The following COL5A3 variants were observed in gnomAD, a reference collection of about 807,000 sequenced individuals.
COL5A3 encodes the protein collagen type V alpha 3 chain, also known as collagen alpha-3(V) chain.
COL5A3 carries 172 observed loss-of-function variants against 250.0 expected under a neutral mutation model. That is an observed-to-expected ratio of 0.69 (90% confidence interval 0.61 to 0.78). The LOEUF is 0.78. Ranked by LOEUF, COL5A3 falls within the 30% of genes least tolerant of loss-of-function variation. COL5A3 has a pLI of 0.00. For synonymous variants in COL5A3, 937 were observed against 900.4 expected, an observed-to-expected ratio of 1.04 and a Z score of -0.73; for missense variants, 2,340 against 2,334.4, an observed-to-expected ratio of 1.00 and a Z score of -0.05.
rs1389647066 is a variant in COL5A3 at position 9,998,285 on chromosome 19, T to C, written c.1111-136A>G. The C allele has an allele frequency of 1.0e-5, 9 of 882,116 alleles. No individual in the cohort carries two copies. In the East Asian group the frequency reaches 2.3e-4, roughly 22 times the overall value. 54.6% of individuals were successfully genotyped at this position (882,116 alleles called of 1,614,324 possible). On this transcript the variant is annotated intron_variant, in intron 8 of 66. Coordinates refer to ENST00000264828, the MANE Select transcript of COL5A3 (RefSeq NM_015719.4). ...AGTCCACCCTCAGAGCCCCTTCTCCTCTACTGTAACCAATATGCACTGAGA... is the reference window on the plus strand; with the variant it reads ...AGTCCACCCTCAGAGCCCCTTCTCCCCTACTGTAACCAATATGCACTGAGA...
At chr19:9,979,027 C>T (rs1029537279) in intron 39 of COL5A3, 47 bp from the exon 40 acceptor site, 1 of 1,492,134 alleles carries the variant, frequency 6.7e-7, no homozygotes, top group African/African-American at 1.4e-5. Context: ...GAGGGGATGT[C>T]TCCCTCCAAT....
At chr19:10,006,586 G>GCTAT (rs1464176222) in intron 1 of COL5A3, among the ~76,000 whole-genome samples, 1 of 152,100 alleles carries the variant, frequency 6.6e-6, no homozygotes, top group East Asian at 1.9e-4. Context: ...GCTCCCTAGG[G>GCTAT]CTATATCCCA....
chr19:9,967,468 A>AACAC (rs903323360), intron 61 of COL5A3, 68 bp from the exon 62 acceptor site: 6 of 998,056 alleles, frequency 6.0e-6, no homozygotes, highest in Non-Finnish European at 8.7e-6. Context: ...CATACACACA[A>AACAC]ACACACACAC....
Position 10,009,507 on chromosome 19 carries a change from T to G in COL5A3, c.88+791A>C, listed in dbSNP as rs1451415305. On this transcript the variant is annotated intron_variant, in intron 1 of 66. Coordinates refer to ENST00000264828, the MANE Select transcript of COL5A3 (RefSeq NM_015719.4). The surrounding 1 kb of genome is among the most constrained non-coding windows in gnomAD (Gnocchi z 4.4). ...CTGGGGTGGGGAGGGGGGGAGCAAC[T>G]TCCACTCCTGCCCCGCCCTGCGCCC... Among the ~76,000 whole-genome samples, 2 of 151,746 alleles carry G rather than the reference T, an allele frequency of 1.3e-5. No individual in the cohort carries two copies. The highest frequency in any genetic ancestry group is 2.9e-5 in the Non-Finnish European group (2 of 67,900).
rs770992868 is a variant in COL5A3, at chr19:9,993,448, G to C, written c.1696-15C>G. Reference sequence around the variant, plus strand: ...CCAAAGTCACCCTGGAGAGGGAACAGAGGGGAGTTCAGAGTGGAAGGGTGT... The same window carrying C: ...CCAAAGTCACCCTGGAGAGGGAACACAGGGGAGTTCAGAGTGGAAGGGTGT... On this transcript the variant is annotated splice_polypyrimidine_tract_variant and intron_variant, in intron 18 of 66. Transcript: ENST00000264828. 4 of 1,613,888 alleles carry C rather than the reference G, an allele frequency of 2.5e-6. No individual in the cohort carries two copies. In the South Asian group the frequency reaches 3.3e-5, roughly 13 times the overall value.
intron 61 of COL5A3, 137 bp downstream of exon 61, chr19:9,967,767 G>A: frequency 1.2e-6 from 1 of 809,788 alleles, no homozygotes; most frequent in Non-Finnish European, 1.9e-6. Context: ...ACAACCGTAG[G>A]TGTTGAATAA....
At position 9,982,095 on chromosome 19, in the gene COL5A3, G is replaced by A; in HGVS notation, c.2430C>T (p.Pro810=). ...TCCCTTTCTCTCCTATGGGTCCCAGGGGACCGGGAAATCCAATAGATCCCT... is the reference window on the plus strand; with the variant it reads ...TCCCTTTCTCTCCTATGGGTCCCAGAGGACCGGGAAATCCAATAGATCCCT... The part of the protein sequence containing the change: ...GPKGSIGFPG[P]LGPIGEKGKS... Residue 810 remains proline (P), a synonymous_variant, in exon 32 of 67, where the codon CCC becomes CCT. Transcript: ENST00000264828. The A allele has an allele frequency of 6.2e-7, 1 of 1,607,056 alleles. No individual in the cohort carries two copies. The highest frequency in any genetic ancestry group is 1.3e-5 in the African/African-American group (1 of 74,614).
chr19:9,998,049 T>C (rs369523111), intron 9 of COL5A3, 24 bp from the exon 10 acceptor site: 29 of 1,613,940 alleles, frequency 1.8e-5, no homozygotes, highest in African/African-American at 5.3e-5. Flanking sequence ...TGAGTGTCGG[T>C]GACCGCTGTC....
chr19:10,002,903 A>C (rs1023607681), intron 6 of COL5A3, among the ~76,000 whole-genome samples: 4 of 151,906 alleles, frequency 2.6e-5, no homozygotes, highest in African/African-American at 9.7e-5. Flanking sequence ...CCCCACTATG[A>C]CTTCCAGTCA....
chr19:9,978,533 C>T (rs2086955658), intron 41 of COL5A3, 41 bp downstream of exon 41: 3 of 1,403,706 alleles, frequency 2.1e-6, no homozygotes, highest in South Asian at 1.2e-5. Context: ...CCTTGAGTCC[C>T]CTCCACCCTG....
intron 31 of COL5A3, among the ~76,000 whole-genome samples, chr19:9,984,942 A>ATTTTTTTTTTTTTTTTTTTTTT (rs71188874): frequency 1.2e-5 from 1 of 83,006 alleles, no homozygotes; most frequent in African/African-American, 4.9e-5. Context: ...CATCTGGCTA[A>ATTTTTTTTTTTTTTTTTTTTTT]TTTTTTTTTT....
At position 10,006,167 on chromosome 19, in the gene COL5A3, A is replaced by G. The variant is rs2087440815; in HGVS notation, c.153T>C (p.Pro51=). Reference sequence around the variant, plus strand: ...CTGGAGTCCTCTGGGGACAGAAGCCAGGCCCCTCGGGGACCCCAGCCTGGC... The same window carrying G: ...CTGGAGTCCTCTGGGGACAGAAGCCGGGCCCCTCGGGGACCCCAGCCTGGC... ...QGGQAGVPEG[P]GFCPQRTPEG... is the part of the protein sequence containing the mutation. Residue 51 remains proline, a synonymous_variant, in exon 2 of 67, where the codon CCT becomes CCC. Coordinates refer to ENST00000264828, the MANE Select transcript of COL5A3 (RefSeq NM_015719.4). 6.2e-7 allele frequency: 1 copy of G among 1,610,322 alleles called. No homozygotes were observed. The highest frequency in any genetic ancestry group is 1.7e-5 in the Admixed American group (1 of 59,270).
chr19:9,986,494 C>T, intron 29 of COL5A3, 59 bp downstream of exon 29: 1 of 1,586,772 alleles, frequency 6.3e-7, no homozygotes, highest in South Asian at 1.1e-5. Flanking sequence ...AGCTCATCCC[C>T]TCCCTATCTT....
intron 56 of COL5A3, 27 bp downstream of exon 56, chr19:9,969,548 G>C (rs1475387933): frequency 1.2e-6 from 2 of 1,607,324 alleles, no homozygotes; most frequent in Non-Finnish European, 1.7e-6. Context: ...GATCCACCCT[G>C]TCCCACCCCT....
Position 9,993,404 on chromosome 19 carries a change from A to T in COL5A3, c.1725T>A (p.Gly575=), listed in dbSNP as rs1161252223. The part of the protein sequence containing the change: ...RGDFGHVGQP[G]PPGEDGERGA... Reference sequence around the variant, plus strand: ...CCCTCTCACCATCCTCTCCTGGGGGACCGGGTTGCCCCACATGGCCAAAGT... The same window carrying T: ...CCCTCTCACCATCCTCTCCTGGGGGTCCGGGTTGCCCCACATGGCCAAAGT... Residue 575 remains glycine (G), a synonymous_variant, in exon 19 of 67, where the codon GGT becomes GGA. Coordinates refer to ENST00000264828, the MANE Select transcript of COL5A3 (RefSeq NM_015719.4). The T allele has an allele frequency of 3.1e-6, 5 of 1,613,810 alleles. No individual in the cohort carries two copies. Among genetic ancestry groups the T allele is most frequent in the Non-Finnish European group, 4.2e-6 (5 of 1,179,976 alleles).
At chr19:9,961,278 A>T (rs1027952772) in intron 65 of COL5A3, among the ~76,000 whole-genome samples, 4 of 152,148 alleles carry the variant, frequency 2.6e-5, no homozygotes, top group Admixed American at 6.5e-5. Context: ...TATGGCAGCC[A>T]CATGTCTAAT....
At position 9,996,903 on chromosome 19, in the gene COL5A3, G is replaced by A. The variant is rs1404050338; in HGVS notation, c.1264-214C>T. On this transcript the variant is annotated intron_variant, in intron 11 of 66. Coordinates refer to ENST00000264828, the MANE Select transcript of COL5A3 (RefSeq NM_015719.4). Reference sequence around the variant, plus strand: ...AGATGGAACAGAGACAAAGAGAAGGGGAGAGAGGGATGGAGAAGGATGGGG... The same window carrying A: ...AGATGGAACAGAGACAAAGAGAAGGAGAGAGAGGGATGGAGAAGGATGGGG... The A allele has an allele frequency of 1.4e-5, 8 of 565,322 alleles. No individual in the cohort carries two copies. In the East Asian group the frequency reaches 1.8e-4, roughly 13 times the overall value. The allele number at this position is 565,322 out of a possible 1,614,324, so 35.0% of individuals were successfully genotyped here.
At chr19:9,979,059 C>T (rs2086966505) in intron 39 of COL5A3, 73 bp downstream of exon 39, 1 of 1,466,888 alleles carries the variant, frequency 6.8e-7, no homozygotes, top group Non-Finnish European at 9.2e-7. Context: ...GGCCCCCTCC[C>T]CCATGAGACT....
At chr19:9,975,136 G>T (rs191298260) in intron 45 of COL5A3, among the ~76,000 whole-genome samples, 1 of 151,218 alleles carries the variant, frequency 6.6e-6, no homozygotes, top group East Asian at 2.0e-4. Flanking sequence ...GTGCAGTGGT[G>T]CTATCTTGGC....
Sources: allele counts gnomAD v4.1 joint callset (sites outside exome capture counted in the v4.1 genomes callset), GRCh38; gene constraint gnomAD v4.1.1; non-coding constraint Gnocchi (gnomAD v3.1); transcripts MANE v1.5; gene names NCBI Gene and HGNC (gene_info 2026-07-23, HGNC 2026-07-21).